The following MEIOC variants were observed in gnomAD, a reference collection of about 807,000 sequenced individuals.
The protein encoded by MEIOC is meiosis-specific coiled-coil domain-containing protein MEIOC.
Under a neutral mutation model 85.3 loss-of-function variants are expected in MEIOC, and 9 were observed. That is an observed-to-expected ratio of 0.11 (90% confidence interval 0.06 to 0.18). MEIOC has a LOEUF of 0.18. Among genes scored for constraint, MEIOC ranks in the 10% least tolerant of loss-of-function variants. The probability of loss-of-function intolerance (pLI) is 1.00; values close to 1 mark genes in which losing one functional copy is unlikely to be tolerated. For synonymous variants in MEIOC, 365 were observed against 393.7 expected (o/e 0.93, Z 0.86); for missense variants, 898 against 1,129.4 (o/e 0.80, Z 2.94).
At chr17:44,662,283 G>A (rs1282599522) in intron 2 of MEIOC, 34 bp from the exon 3 acceptor site, 2 of 1,483,996 alleles carry the variant, frequency 1.3e-6, no homozygotes, top group Non-Finnish European at 1.8e-6. Context: ...ATGAAGTTTT[G>A]ATGTGTCTGA....
chr17:44,657,512 G>T (rs1247612531), intron 2 of MEIOC, among the ~76,000 whole-genome samples: 4 of 149,788 alleles, frequency 2.7e-5, no homozygotes, highest in Non-Finnish European at 5.9e-5. Flanking sequence ...GCTTCCTGAG[G>T]CACGCGCCAC....
In MEIOC at chr17:44,674,027, A is replaced by G; in HGVS notation, c.2690A>G (p.Lys897Arg). Residue 897 changes from lysine (K) to arginine (R), a missense_variant, in exon 8 of 8, where the codon AAA becomes AGA. Around this residue, in one of 2 missense-constraint regions of MEIOC, gnomAD observed 164 missense variants for 269.2 expected, o/e 0.61. Coordinates refer to ENST00000409122, the MANE Select transcript of MEIOC (RefSeq NM_001145080.3). ...AIKEMCVATR[K>R]TRTALWCALQ... ...AAAGAGATGTGTGTGGCTACTCGGA[A>G]AACACGCACTGCCCTGTGGTGTGCA... 1 of 1,551,736 alleles carries G rather than the reference A, an allele frequency of 6.4e-7. No homozygotes were observed. Among genetic ancestry groups the G allele is most frequent in the Non-Finnish European group, 8.7e-7 (1 of 1,147,000 alleles).
intron 2 of MEIOC, 116 bp downstream of exon 2, chr17:44,657,377 A>AT: frequency 4.8e-6 from 4 of 836,664 alleles, no homozygotes; most frequent in South Asian, 2.2e-5. Context: ...ACCAGGGAAA[A>AT]CTTTTTTTTT....
chr17:44,657,224 C>G lies in MEIOC; in HGVS notation c.167C>G (p.Thr56Ser), dbSNP rs1226937780. The G allele has an allele frequency of 6.4e-7, 1 of 1,552,092 alleles. No homozygotes were observed. The highest frequency in any genetic ancestry group is 2.4e-5 in the East Asian group (1 of 40,916). The change falls in exon 2 of 8, where the codon ACT (threonine) becomes AGT (serine). Residue 56 changes from threonine (T) to serine (S), a missense_variant. Thr to Ser is a moderately conservative substitution (Grantham distance 58). Around this residue, in one of 2 missense-constraint regions of MEIOC, gnomAD observed 734 missense variants for 860.1 expected, o/e 0.85. Coordinates refer to ENST00000409122, the MANE Select transcript of MEIOC (RefSeq NM_001145080.3). The stretch of plus-strand genomic sequence containing the variant: ...GACGTCTTCGGCAGCGTGATGTTGA[C>G]TGGCTCCGCTTCCTTCTACGATTGC... The part of the protein sequence containing the change: ...LTDVFGSVML[T>S]GSASFYDCYT...
chr17:44,665,144 A>G (rs1249114516), intron 3 of MEIOC: 9 of 1,054,352 alleles, frequency 8.5e-6, no homozygotes, highest in Non-Finnish European at 1.0e-5. Flanking sequence ...AGAGGTAAGC[A>G]TGCACTGTAA....
At chr17:44,673,755 C>T (rs1426089451) in intron 7 of MEIOC, 5 of 702,066 alleles carry the variant, frequency 7.1e-6, no homozygotes, top group Non-Finnish European at 9.2e-6. Flanking sequence ...AGTCTGTGTT[C>T]TACTCAAACT....
At position 44,675,660 on chromosome 17, in the gene MEIOC, T is replaced by C. The variant is rs1421518665; in HGVS notation, c.*1464T>C. On this transcript the variant is annotated 3_prime_UTR_variant, in exon 8 of 8. Coordinates refer to ENST00000409122, the MANE Select transcript of MEIOC (RefSeq NM_001145080.3). ...CTACCCAAATGAATTACATTGAGGG[T>C]AGTCAAATAAAATAGATCATCTCAC... 2.0e-6 allele frequency: 2 copies of C among 985,016 alleles called. No homozygotes were observed. The highest frequency in any genetic ancestry group is 2.4e-6 in the Non-Finnish European group (2 of 829,752). The allele number at this position is 985,016 out of a possible 1,614,324, so 61.0% of individuals were successfully genotyped here. A position where few individuals can be genotyped will look rare whatever the true frequency, so the allele number is the denominator to read the frequency against.
At chr17:44,670,369 A>C (rs947541273) in intron 6 of MEIOC, 1 of 151,584 alleles carries the variant, frequency 6.6e-6, no homozygotes, top group Non-Finnish European at 1.5e-5. Flanking sequence ...TTGAAGCTCA[A>C]ATTGGCAGTG....
chr17:44,674,024 G>A lies in MEIOC; in HGVS notation c.2687G>A (p.Arg896Gln), dbSNP rs1192614333. ...SAIKEMCVAT[R>Q]KTRTALWCAL... ...ATTAAAGAGATGTGTGTGGCTACTCGGAAAACACGCACTGCCCTGTGGTGT... is the reference window on the plus strand; with the variant it reads ...ATTAAAGAGATGTGTGTGGCTACTCAGAAAACACGCACTGCCCTGTGGTGT... The change falls in exon 8 of 8, where the codon CGG becomes CAG. Residue 896 changes from arginine (R) to glutamine (Q), a missense_variant. Physicochemically the swap from Arg to Gln is conservative, Grantham distance 43. Around this residue, in one of 2 missense-constraint regions of MEIOC, gnomAD observed 164 missense variants for 269.2 expected, o/e 0.61. Coordinates refer to ENST00000409122, the MANE Select transcript of MEIOC (RefSeq NM_001145080.3). The A allele has an allele frequency of 5.8e-6, 9 of 1,551,626 alleles. No individual in the cohort carries two copies. The East Asian group carries it at 9.8e-5, about 17-fold the overall frequency.
rs747920525 is a variant in MEIOC, at chr17:44,667,640, G to A, written c.1729G>A (p.Val577Ile). 1.2e-6 allele frequency: 2 copies of A among 1,612,526 alleles called. No homozygotes were observed. The highest frequency in any genetic ancestry group is 1.6e-4 in the Middle Eastern group (1 of 6,062). The change falls in exon 5 of 8, where the codon GTT (valine) becomes ATT (isoleucine). Residue 577 changes from valine (V) to isoleucine (I), a missense_variant. Val to Ile is a conservative substitution (Grantham distance 29). Coordinates refer to ENST00000409122, the MANE Select transcript of MEIOC (RefSeq NM_001145080.3). ...TGGAGAAGAAAATCTCTTCAAATTG[G>A]TTACGGATAAAAAAATAAAGCAGCC... ...KPGEENLFKLVTDKKIKQPNG... is the reference protein window; with the variant it reads ...KPGEENLFKLITDKKIKQPNG...
At chr17:44,665,166 G>A in intron 3 of MEIOC, 1 of 1,073,456 alleles carries the variant, frequency 9.3e-7, no homozygotes, top group Non-Finnish European at 1.1e-6. Context: ...TTAGATATAG[G>A]ATTTGAAATG....
In MEIOC at chr17:44,657,110, A is replaced by T. The variant is rs887596016; in HGVS notation, c.70-17A>T. On this transcript the variant is annotated splice_polypyrimidine_tract_variant and intron_variant, in intron 1 of 7. Coordinates refer to ENST00000409122, the MANE Select transcript of MEIOC (RefSeq NM_001145080.3). ...TCGTGACCACTTTCTGATATTTCCT[A>T]TTCCCGTGTGCTGCAGCCCAAAGTC... is the stretch of plus-strand genomic sequence containing the variant. The T allele has an allele frequency of 6.5e-7, 1 of 1,545,654 alleles. No homozygotes were observed. Among genetic ancestry groups the T allele is most frequent in the Non-Finnish European group, 8.7e-7 (1 of 1,145,650 alleles).
At chr17:44,669,854 T>C in intron 6 of MEIOC, 1 of 195,576 alleles carries the variant, frequency 5.1e-6, no homozygotes, top group Non-Finnish European at 1.1e-5. Flanking sequence ...AGCGAGACTC[T>C]ATCTCAATAA....
chr17:44,671,738 C>T (rs1972014620), intron 6 of MEIOC, among the ~76,000 whole-genome samples: 1 of 151,244 alleles, frequency 6.6e-6, no homozygotes, highest in Non-Finnish European at 1.5e-5. Flanking sequence ...AACCCGGTCT[C>T]TACTAAAAAT....
At position 44,667,991 on chromosome 17, in the gene MEIOC, C is replaced by T. The variant is rs1452583852; in HGVS notation, c.2080C>T (p.His694Tyr). 8 of 1,613,784 alleles carry T rather than the reference C, an allele frequency of 5.0e-6. No individual in the cohort carries two copies. Among genetic ancestry groups the T allele is most frequent in the Non-Finnish European group, 6.8e-6 (8 of 1,179,750 alleles). ...GSNGFPLRST[H>Y]PFGHSVVPLL... ...AAATGGGTTTCCCCTAAGATCCACCCACCCATTTGGCCATTCAGTTGTTCC... is the reference window on the plus strand; with the variant it reads ...AAATGGGTTTCCCCTAAGATCCACCTACCCATTTGGCCATTCAGTTGTTCC... Residue 694 changes from histidine (H) to tyrosine (Y), a missense_variant, in exon 5 of 8, where the codon CAC becomes TAC. His to Tyr is a moderately conservative substitution (Grantham distance 83). Around this residue, in one of 2 missense-constraint regions of MEIOC, gnomAD observed 734 missense variants for 860.1 expected, o/e 0.85. Coordinates refer to ENST00000409122, the MANE Select transcript of MEIOC (RefSeq NM_001145080.3).
At chr17:44,662,199 AT>A (rs1193375858) in intron 2 of MEIOC, 117 bp from the exon 3 acceptor site, 2 of 812,390 alleles carry the variant, frequency 2.5e-6, no homozygotes, top group African/African-American at 3.5e-5. Flanking sequence ...CTAAGTCTGC[AT>A]TTGAATGTAA....
chr17:44,661,537 G>A (rs185204063), intron 2 of MEIOC, among the ~76,000 whole-genome samples: 2 of 151,980 alleles, frequency 1.3e-5, no homozygotes, highest in African/African-American at 2.4e-5. Flanking sequence ...AGAGATTGGG[G>A]ACATTAAGAC....
rs1971905179 is a variant in MEIOC at position 44,666,471 on chromosome 17, A to G, written c.560A>G (p.Asp187Gly). 1 of 1,578,446 alleles carries G rather than the reference A, an allele frequency of 6.3e-7. No individual in the cohort carries two copies. The highest frequency in any genetic ancestry group is 1.3e-5 in the African/African-American group (1 of 74,358). Reference protein sequence around the residue: ...DLLTETKRPIDTVISQQAFYS... With the variant: ...DLLTETKRPIGTVISQQAFYS... The stretch of plus-strand genomic sequence containing the variant: ...TTAACAGAAACCAAAAGGCCAATAG[A>G]TACAGTCATCTCTCAGCAAGCTTTT... Residue 187 changes from aspartate to glycine, a missense_variant, in exon 5 of 8, where the codon GAT (aspartate) becomes GGT (glycine). By Grantham distance (94) the Asp-to-Gly change is moderately conservative. Coordinates refer to ENST00000409122, the MANE Select transcript of MEIOC (RefSeq NM_001145080.3).
rs376006001 is a variant in MEIOC, at chr17:44,667,887, G to A, written c.1976G>A (p.Arg659His). Reference protein sequence around the residue: ...TRGGDNSRVNRTQVSCFSNNY... With the variant: ...TRGGDNSRVNHTQVSCFSNNY... ...GGTGGAGACAATAGCCGTGTGAATCGCACACAAGTGTCATGCTTTTCTAAT... is the reference window on the plus strand; with the variant it reads ...GGTGGAGACAATAGCCGTGTGAATCACACACAAGTGTCATGCTTTTCTAAT... Residue 659 changes from arginine to histidine, a missense_variant, in exon 5 of 8, where the codon CGC becomes CAC. Physicochemically the swap from Arg to His is conservative, Grantham distance 29 (BLOSUM62 0). Around this residue, in one of 2 missense-constraint regions of MEIOC, gnomAD observed 734 missense variants for 860.1 expected, o/e 0.85. Coordinates refer to ENST00000409122, the MANE Select transcript of MEIOC (RefSeq NM_001145080.3). 4.3e-6 allele frequency: 7 copies of A among 1,613,638 alleles called. No homozygotes were observed. Among genetic ancestry groups the A allele is most frequent in the Admixed American group, 1.7e-5 (1 of 59,974 alleles).
Sources: gnomAD v4.1 joint callset for allele counts (sites outside exome capture counted in the v4.1 genomes callset) on GRCh38, gnomAD v4.1.1 for gene constraint, gnomAD v4.1.1 regional missense constraint, MANE v1.5 for transcripts, NCBI Gene and HGNC (gene_info 2026-07-23, HGNC 2026-07-21) for gene names.